Variants in WDPCP observed in about 807,000 individuals in gnomAD.
The protein encoded by WDPCP is WD repeat containing planar cell polarity effector.
Under a neutral mutation model 93.1 loss-of-function variants are expected in WDPCP, and 71 were observed. The ratio of observed to expected loss-of-function variants is 0.76; its 90% CI spans 0.63 to 0.93. The LOEUF (loss-of-function observed/expected upper bound fraction) is 0.93. WDPCP is among the 40% of genes least tolerant of loss of function. The pLI, the probability that WDPCP is intolerant of heterozygous loss-of-function variation, is 0.00. For missense variants in WDPCP, 844 were observed against 887.4 expected, an observed-to-expected ratio of 0.95 and a Z score of 0.62; for synonymous variants, 315 against 315.0, an observed-to-expected ratio of 1.00 and a Z score of 0.00.
intron 1 of WDPCP, among the ~76,000 whole-genome samples, chr2:63,530,318 G>A (rs989827086): frequency 6.6e-6 from 1 of 152,152 alleles, no homozygotes; most frequent in Non-Finnish European, 1.5e-5. Flanking sequence ...GATCTTTCCT[G>A]CTTTCTCTTG....
intron 17 of WDPCP, among the ~76,000 whole-genome samples, chr2:63,132,738 A>G (rs756034721): frequency 1.3e-5 from 2 of 151,864 alleles, no homozygotes; most frequent in African/African-American, 2.4e-5. Flanking sequence ...CTTTGTTCAT[A>G]TAATTTACCT....
chr2:63,705,604 A>G (rs1205498853), intron 2 of WDPCP, among the ~76,000 whole-genome samples: 4 of 152,114 alleles, frequency 2.6e-5, no homozygotes, highest in African/African-American at 9.7e-5. Context: ...GTAGTTGAGC[A>G]GTTTTGAGTG....
At chr2:63,833,265 A>C in the WDPCP span, among the ~76,000 whole-genome samples, 10 of 152,076 alleles carry the variant, frequency 6.6e-5, no homozygotes, top group Non-Finnish European at 1.3e-4. Context: ...AAAACAAACA[A>C]ACACCTCTGT....
intron 14 of WDPCP, among the ~76,000 whole-genome samples, chr2:63,209,934 A>G (rs1225399741): frequency 1.3e-5 from 2 of 152,160 alleles, no homozygotes; most frequent in African/African-American, 4.8e-5. Context: ...TTTGTTAAAA[A>G]TATGTGAAAG....
chr2:63,674,539 TG>T (rs1486961469), intron 2 of WDPCP, among the ~76,000 whole-genome samples: 3 of 152,120 alleles, frequency 2.0e-5, no homozygotes, highest in Admixed American at 6.5e-5. Context: ...AATTTTGTTT[TG>T]GGGCAGAGAG....
At chr2:63,480,955 C>T (rs1700231975) in intron 6 of WDPCP, among the ~76,000 whole-genome samples, 1 of 152,040 alleles carries the variant, frequency 6.6e-6, no homozygotes, top group African/African-American at 2.4e-5. Context: ...AGACAACCCA[C>T]AAAGTGGGAA....
intron 9 of WDPCP, among the ~76,000 whole-genome samples, chr2:63,413,579 T>C (rs1039250913): frequency 2.0e-5 from 3 of 152,062 alleles, no homozygotes; most frequent in African/African-American, 7.2e-5. Flanking sequence ...GAGCGGATCA[T>C]GAGGTCAGGA....
At chr2:63,627,460 G>C (rs1010419548) in intron 3 of WDPCP, among the ~76,000 whole-genome samples, 1 of 152,196 alleles carries the variant, frequency 6.6e-6, no homozygotes, top group Non-Finnish European at 1.5e-5. Flanking sequence ...TTTCAAGCCT[G>C]GAACCACAGC....
chr2:63,685,140 T>C (rs1668788556), intron 2 of WDPCP, among the ~76,000 whole-genome samples: 1 of 151,754 alleles, frequency 6.6e-6, no homozygotes, highest in South Asian at 2.1e-4. Flanking sequence ...GAAATGAACA[T>C]AACAATACAA....
intron 12 of WDPCP, among the ~76,000 whole-genome samples, chr2:63,330,636 A>C (rs896235765): frequency 6.6e-6 from 1 of 152,034 alleles, no homozygotes; most frequent in African/African-American, 2.4e-5. Flanking sequence ...TTCTGATATC[A>C]AATCTAAAAA....
chr2:63,266,015 T>A (rs1183877009), intron 13 of WDPCP, among the ~76,000 whole-genome samples: 4 of 152,016 alleles, frequency 2.6e-5, no homozygotes, highest in Non-Finnish European at 5.9e-5. Context: ...CTCAACACAA[T>A]AAAGGCCATA....
intron 8 of WDPCP, among the ~76,000 whole-genome samples, chr2:63,436,944 A>G (rs908768834): frequency 6.6e-6 from 1 of 152,068 alleles, no homozygotes; most frequent in African/African-American, 2.4e-5. Flanking sequence ...TTGTCCAGTT[A>G]TAGCTGGAGG....
intron 1 of WDPCP, among the ~76,000 whole-genome samples, chr2:63,525,186 G>A (rs778389094): frequency 7.2e-5 from 11 of 152,178 alleles, no homozygotes; most frequent in Non-Finnish European, 1.3e-4. Flanking sequence ...ATAAGTGAGA[G>A]CTAAACATTG....
intron 1 of WDPCP, among the ~76,000 whole-genome samples, chr2:63,576,973 A>G (rs938898547): frequency 6.6e-6 from 1 of 152,206 alleles, no homozygotes; most frequent in Non-Finnish European, 1.5e-5. Context: ...TGAAGTCTTC[A>G]CTATAAGGTA....
chr2:63,744,464 A>C (rs1445262673), intron 2 of WDPCP, among the ~76,000 whole-genome samples: 1 of 152,146 alleles, frequency 6.6e-6, no homozygotes, highest in Non-Finnish European at 1.5e-5. Context: ...TTCCATAGTT[A>C]CACTGTCCAT....
At chr2:63,618,491 A>G (rs1230283445) in intron 3 of WDPCP, among the ~76,000 whole-genome samples, 1 of 152,112 alleles carries the variant, frequency 6.6e-6, no homozygotes, top group African/African-American at 2.4e-5. Flanking sequence ...ATTTACTGCA[A>G]TTGTGAAATG....
intron 1 of WDPCP, among the ~76,000 whole-genome samples, chr2:63,553,325 C>T (rs894475523): frequency 1.3e-5 from 2 of 152,002 alleles, no homozygotes; most frequent in African/African-American, 4.8e-5. Context: ...AAGTATTTCC[C>T]GCCCATCCTC....
intron 2 of WDPCP, among the ~76,000 whole-genome samples, chr2:63,673,375 A>T (rs1341658049): frequency 6.6e-6 from 1 of 152,208 alleles, no homozygotes; most frequent in African/African-American, 2.4e-5. Flanking sequence ...TCAGCTTGAC[A>T]CATGTGAAAG....
At chr2:63,413,891 C>T (rs1695209719) in intron 9 of WDPCP, among the ~76,000 whole-genome samples, 1 of 151,972 alleles carries the variant, frequency 6.6e-6, no homozygotes, top group African/African-American at 2.4e-5. Context: ...GCAGAGTAAA[C>T]AGACAACCCA....
Sources: allele counts gnomAD v4.1 joint callset (sites outside exome capture counted in the v4.1 genomes callset), GRCh38; gene constraint gnomAD v4.1.1; transcripts MANE v1.5; gene names NCBI Gene and HGNC (gene_info 2026-07-23, HGNC 2026-07-21).